CRYBA4: variants seen among roughly 807,000 people sequenced by gnomAD.
The protein encoded by CRYBA4 is crystallin beta A4, also known as beta-crystallin A4.
A neutral mutation model predicts 31.7 loss-of-function variants in CRYBA4; 30 were observed. That is an observed-to-expected ratio of 0.95 (90% CI 0.71 to 1.28). The LOEUF (loss-of-function observed/expected upper bound fraction) is 1.28, where lower values mean the gene tolerates loss of function less well. CRYBA4 is among the 50% of genes most tolerant of loss of function. CRYBA4 has a pLI of 0.00. For missense variants in CRYBA4, 225 were observed against 260.7 expected (o/e 0.86, Z 0.94); for synonymous variants, 102 against 102.3 (o/e 1.00, Z 0.02).
At chr22:26,617,058 G>A (rs1929379803), upstream of CRYBA4, among the ~76,000 whole-genome samples, 1 of 152,206 alleles carries the variant, frequency 6.6e-6, no homozygotes, top group Non-Finnish European at 1.5e-5. Context: ...TTCCCCGTCT[G>A]CTTCCTCTGA....
the CRYBA4 span, chr22:26,601,951 C>G: frequency 6.2e-7 from 1 of 1,613,448 alleles, no homozygotes; most frequent in Non-Finnish European, 8.5e-7. Flanking sequence ...TGCGTCGTCC[C>G]CCTGGATCTC....
the CRYBA4 span, among the ~76,000 whole-genome samples, chr22:26,595,695 CA>C: frequency 6.6e-6 from 1 of 152,272 alleles, no homozygotes; most frequent in African/African-American, 2.4e-5. Flanking sequence ...AGGCTGGTCT[CA>C]AACTCCTGGG....
the CRYBA4 span, chr22:26,601,784 C>A: frequency 6.3e-7 from 1 of 1,589,978 alleles, no homozygotes; most frequent in Non-Finnish European, 8.5e-7. Context: ...ATGGCCTTCT[C>A]TAGGAATCTG....
At chr22:26,614,276 T>C in the CRYBA4 span, among the ~76,000 whole-genome samples, 1 of 152,196 alleles carries the variant, frequency 6.6e-6, no homozygotes, top group East Asian at 1.9e-4. Flanking sequence ...AACTCCCTAA[T>C]AAAAACTTGC....
chr22:26,630,511 G>A lies in CRYBA4; in HGVS notation c.*24G>A, dbSNP rs765467830. 1.9e-5 allele frequency: 31 copies of A among 1,603,604 alleles called. No individual in the cohort carries two copies. Among genetic ancestry groups the A allele is most frequent in the Admixed American group, 8.4e-5 (5 of 59,796 alleles). ...GAACAGGGGTGCGGCACGGAGGAGC[G>A]CATGCGTGCTTATCTGCAATGGAGG... On this transcript the variant is annotated 3_prime_UTR_variant, in exon 6 of 6. Coordinates refer to ENST00000354760, the MANE Select transcript of CRYBA4 (RefSeq NM_001886.3).
In CRYBA4 at chr22:26,622,461, T is replaced by C. The variant is rs1168778108; in HGVS notation, c.-12-124T>C. The C allele has an allele frequency of 2.0e-5, 16 of 798,004 alleles. No individual in the cohort carries two copies. The East Asian group carries it at 3.5e-4, about 17-fold the overall frequency. 49.4% of individuals were successfully genotyped at this position (798,004 alleles called of 1,614,324 possible). On this transcript the variant is annotated intron_variant, in intron 1 of 5. Transcript: ENST00000354760. ...AGAGGGACAGGCCAAAGCCATGCAT[T>C]GCCCCTAGCCCAGTCACTCCTGGAC...
chr22:26,612,256 T>C, the CRYBA4 span: 2 of 1,080,300 alleles, frequency 1.9e-6, no homozygotes, highest in Non-Finnish European at 2.9e-6. Context: ...ATTAAGTATC[T>C]ACATAAATAA....
chr22:26,599,774 C>G, the CRYBA4 span: 3 of 894,092 alleles, frequency 3.4e-6, no homozygotes, highest in Non-Finnish European at 3.7e-6. Flanking sequence ...TCCCTGCAGT[C>G]GGCTGCTCTC....
chr22:26,609,755 A>G, the CRYBA4 span, among the ~76,000 whole-genome samples: 76 of 152,336 alleles, frequency 5.0e-4, no homozygotes, highest in African/African-American at 1.8e-3. Context: ...TGTAGGAGTT[A>G]AGAGGACAGA....
the CRYBA4 span, among the ~76,000 whole-genome samples, chr22:26,612,908 C>T: frequency 2.6e-5 from 4 of 152,138 alleles, no homozygotes; most frequent in East Asian, 7.7e-4. Context: ...GGTTGAGCAT[C>T]CCCCACTGTC....
chr22:26,599,095 G>A, the CRYBA4 span, among the ~76,000 whole-genome samples: 4 of 152,116 alleles, frequency 2.6e-5, no homozygotes, highest in African/African-American at 9.7e-5. Context: ...AAACCAACCT[G>A]CCTCCTCTGA....
chr22:26,612,043 A>G, the CRYBA4 span: 4 of 1,477,922 alleles, frequency 2.7e-6, no homozygotes, highest in South Asian at 4.5e-5. Context: ...TGTGGCAGAG[A>G]GTGTGCCCCT....
intron 4 of CRYBA4, among the ~76,000 whole-genome samples, chr22:26,626,190 C>A (rs994441735): frequency 4.6e-5 from 7 of 152,066 alleles, no homozygotes; most frequent in African/African-American, 1.7e-4. Context: ...TCACTTGAGG[C>A]CAGGAGTTCA....
the CRYBA4 span, chr22:26,616,297 G>A: frequency 1.8e-5 from 29 of 1,613,712 alleles, no homozygotes; most frequent in African/African-American, 6.7e-5. Context: ...GGCCGAGGCC[G>A]AGGCCTTTGC....
chr22:26,606,775 G>GTTCC, the CRYBA4 span, among the ~76,000 whole-genome samples: 1 of 152,134 alleles, frequency 6.6e-6, no homozygotes, highest in Non-Finnish European at 1.5e-5. Context: ...TCTTATAAAT[G>GTTCC]TTCCCATCAT....
chr22:26,599,564 G>A, the CRYBA4 span: 1 of 1,614,092 alleles, frequency 6.2e-7, no homozygotes, highest in Admixed American at 1.7e-5. Flanking sequence ...AGGCGACGCA[G>A]GGACTGCATC....
At chr22:26,627,424 CTTTTTCTTTCTT>C (rs1929762456) in intron 4 of CRYBA4, among the ~76,000 whole-genome samples, 1 of 62,976 alleles carries the variant, frequency 1.6e-5, no homozygotes, top group Non-Finnish European at 2.5e-5. Context: ...TTCTTTCTTT[CTTTTTCTTTCTT>C]TCTTTCTTTC....
the CRYBA4 span, among the ~76,000 whole-genome samples, chr22:26,613,310 G>A: frequency 1.3e-5 from 2 of 152,154 alleles, no homozygotes; most frequent in Non-Finnish European, 2.9e-5. Context: ...TAAGAGGAGG[G>A]GAGGTTCATA....
chr22:26,626,987 G>A (rs1204135619), intron 4 of CRYBA4, among the ~76,000 whole-genome samples: 3 of 152,122 alleles, frequency 2.0e-5, no homozygotes, highest in African/African-American at 7.2e-5. Flanking sequence ...CACTTCCATC[G>A]TTTTTCATAG....
Sources: allele counts gnomAD v4.1 joint callset (sites outside exome capture counted in the v4.1 genomes callset), GRCh38; gene constraint gnomAD v4.1.1; transcripts MANE v1.5; gene names NCBI Gene and HGNC (gene_info 2026-07-23, HGNC 2026-07-21).